DYNC2H1: variants seen among roughly 807,000 people sequenced by gnomAD.
DYNC2H1 encodes the protein dynein cytoplasmic 2 heavy chain 1, also known as cytoplasmic dynein 2 heavy chain 1.
Under a neutral mutation model 570.0 loss-of-function variants are expected in DYNC2H1, and 410 were observed. The ratio of observed to expected loss-of-function variants is 0.72; its 90% confidence interval spans 0.66 to 0.78. DYNC2H1 has a LOEUF of 0.78. Ranked by LOEUF, DYNC2H1 falls within the 30% of genes least tolerant of loss-of-function variation. The pLI, the probability that DYNC2H1 is intolerant of heterozygous loss-of-function variation, is 0.00. For synonymous variants in DYNC2H1, 1,688 were observed against 1,677.6 expected (o/e 1.01, Z -0.15); for missense variants, 4,865 against 5,046.4 (o/e 0.96, Z 1.09).
chr11:103,211,934 T>C lies in DYNC2H1; in HGVS notation c.8685T>C (p.Ser2895=). 1 of 1,524,626 alleles carries C rather than the reference T, an allele frequency of 6.6e-7. No homozygotes were observed. The highest frequency in any genetic ancestry group is 1.3e-5 in the South Asian group (1 of 76,458). The allele number at this position is 1,524,626 out of a possible 1,614,324, so 94.4% of individuals were successfully genotyped here. ...AAAAGGAATTATTAAAAAGACAAAG[T>C]CATTTGCAGGTATAGTATTGGTAAT... is the stretch of plus-strand genomic sequence containing the variant. The part of the protein sequence containing the change: ...SKKKELLKRQ[S]HLQAGVSKLN... Residue 2895 remains serine, a synonymous_variant, in exon 54 of 89, where the codon AGT becomes AGC. Transcript: ENST00000375735.
chr11:103,271,760 T>C (rs1865717502), intron 70 of DYNC2H1, among the ~76,000 whole-genome samples: 1 of 152,230 alleles, frequency 6.6e-6, no homozygotes, highest in African/African-American at 2.4e-5. Flanking sequence ...CAGCTAATAA[T>C]CTTTAACTTA....
chr11:103,314,643 C>T (rs1374232822), intron 79 of DYNC2H1, among the ~76,000 whole-genome samples: 1 of 151,440 alleles, frequency 6.6e-6, no homozygotes, highest in African/African-American at 2.4e-5. Context: ...ATTCACTTTC[C>T]CACAAAAAAA....
intron 20 of DYNC2H1, among the ~76,000 whole-genome samples, chr11:103,150,082 A>G (rs1190293268): frequency 3.3e-5 from 5 of 152,254 alleles, no homozygotes; most frequent in African/African-American, 1.2e-4. Context: ...AATTATTAAA[A>G]GAGCATAGTA....
rs377621257 is a variant in DYNC2H1, at chr11:103,287,612, G to C, written c.11095+7G>C. On this transcript the variant is annotated splice_region_variant and intron_variant, in intron 75 of 88. Transcript: ENST00000375735. ...TTTGCATGTAAAACTCTGGGTAAGT[G>C]TGATGCTTTTCAAGAACTAGACCAC... 3 of 1,606,770 alleles carry C rather than the reference G, an allele frequency of 1.9e-6. No individual in the cohort carries two copies. Among genetic ancestry groups the C allele is most frequent in the African/African-American group, 1.3e-5 (1 of 74,784 alleles).
chr11:103,455,955 C>G (rs1242956198), intron 86 of DYNC2H1, among the ~76,000 whole-genome samples: 1 of 152,074 alleles, frequency 6.6e-6, no homozygotes, highest in African/African-American at 2.4e-5. Context: ...TTATAAACAT[C>G]AAATTTCAGT....
Position 103,152,231 on chromosome 11 carries a change from G to A in DYNC2H1, c.3042G>A (p.Lys1014=). 7 of 1,608,782 alleles carry A rather than the reference G, an allele frequency of 4.4e-6. No individual in the cohort carries two copies. Among genetic ancestry groups the A allele is most frequent in the Non-Finnish European group, 5.9e-6 (7 of 1,178,202 alleles). The part of the protein sequence containing the change: ...GLETISNLKA[K]WDKFELMMES... ...AAACAATTAGTAATTTGAAAGCCAA[G>A]TGGGATAAATTTGAGTTAATGATGG... Residue 1014 remains lysine, a synonymous_variant, in exon 21 of 89, where the codon AAG becomes AAA. Transcript: ENST00000375735.
At position 103,323,963 on chromosome 11, in the gene DYNC2H1, C is replaced by T. The variant is rs987621780; in HGVS notation, c.12012C>T (p.Arg4004=). 16 of 1,612,354 alleles carry T rather than the reference C, an allele frequency of 9.9e-6. No individual in the cohort carries two copies. Among genetic ancestry groups the T allele is most frequent in the Non-Finnish European group, 1.4e-5 (16 of 1,179,088 alleles). Residue 4004 remains arginine, a synonymous_variant, in exon 82 of 89, where the codon CGC becomes CGT. Transcript: ENST00000375735. ...TTGGTCTGCCTGCCAATATCGCTCG[C>T]TCATCTCAGCGCATGATCAGTTCTC... The part of the protein sequence containing the change: ...SFFGLPANIA[R]SSQRMISSQV...
At chr11:103,424,728 C>G (rs375804516) in intron 84 of DYNC2H1, among the ~76,000 whole-genome samples, 1 of 145,108 alleles carries the variant, frequency 6.9e-6, no homozygotes, top group African/African-American at 2.6e-5. Context: ...AAAGAGGAGG[C>G]AACTTTGATC....
At position 103,253,310 on chromosome 11, in the gene DYNC2H1, T is replaced by C; in HGVS notation, c.10068T>C (p.Gly3356=). The change falls in exon 66 of 89, where the codon GGT becomes GGC. Residue 3356 remains glycine (G), a synonymous_variant. Coordinates refer to ENST00000375735, the MANE Select transcript of DYNC2H1 (RefSeq NM_001377.3). Reference sequence around the variant, plus strand: ...GACCACGTTATGTGGTACAAATAGGTGACAAAATTATTGACTACAATGAAG... The same window carrying C: ...GACCACGTTATGTGGTACAAATAGGCGACAAAATTATTGACTACAATGAAG... ...AQGPRYVVQI[G]DKIIDYNEEF... 6.2e-7 allele frequency: 1 copy of C among 1,613,134 alleles called. No individual in the cohort carries two copies. Among genetic ancestry groups the C allele is most frequent in the Non-Finnish European group, 8.5e-7 (1 of 1,179,370 alleles).
intron 75 of DYNC2H1, among the ~76,000 whole-genome samples, chr11:103,293,264 G>T (rs1387239474): frequency 6.6e-6 from 1 of 152,018 alleles, no homozygotes; most frequent in Non-Finnish European, 1.5e-5. Flanking sequence ...GGCATGTGAG[G>T]GTTCCACTGA....
At position 103,199,572 on chromosome 11, in the gene DYNC2H1, G is replaced by A; in HGVS notation, c.8088+96G>A. On this transcript the variant is annotated intron_variant, in intron 49 of 88. Coordinates refer to ENST00000375735, the MANE Select transcript of DYNC2H1 (RefSeq NM_001377.3). The surrounding 1 kb of genome is among the most constrained non-coding windows in gnomAD (Gnocchi z 4.6). ...AGACCTAAAGGTTTAAAGAACTAAA[G>A]TTTTAAAGAACATCTTTAAAGAACT... is the stretch of plus-strand genomic sequence containing the variant. 1 of 1,213,634 alleles carries A rather than the reference G, an allele frequency of 8.2e-7. No individual in the cohort carries two copies. Among genetic ancestry groups the A allele is most frequent in the Non-Finnish European group, 1.1e-6 (1 of 930,574 alleles). 75.2% of individuals were successfully genotyped at this position (1,213,634 alleles called of 1,614,324 possible).
rs182352576 is a variant in DYNC2H1 at position 103,455,177 on chromosome 11, C to T, written c.12457-9C>T. On this transcript the variant is annotated splice_polypyrimidine_tract_variant and intron_variant, in intron 85 of 88. Transcript: ENST00000375735. ...GTGTATTTATATGTTCATATTTCCC[C>T]CCCTCTAGAACTGGGTAGATAAAGC... is the stretch of plus-strand genomic sequence containing the variant. 65 of 1,602,430 alleles carry T rather than the reference C, an allele frequency of 4.1e-5. No homozygotes were observed. The East Asian group carries it at 1.2e-3, about 29-fold the overall frequency.
chr11:103,412,689 T>A (rs979641193), intron 84 of DYNC2H1, among the ~76,000 whole-genome samples: 1 of 152,082 alleles, frequency 6.6e-6, no homozygotes, highest in Non-Finnish European at 1.5e-5. Flanking sequence ...TGCTAGTGGA[T>A]CCTGTGTCTT....
chr11:103,428,213 A>C, intron 84 of DYNC2H1, among the ~76,000 whole-genome samples: 1 of 141,508 alleles, frequency 7.1e-6, no homozygotes, highest in Non-Finnish European at 1.5e-5. Context: ...GAATATCTGA[A>C]AGAGAGGAGT....
At chr11:103,415,205 T>A (rs182623763) in intron 84 of DYNC2H1, among the ~76,000 whole-genome samples, 1,532 of 152,148 alleles carry the variant, frequency 0.01, 29 homozygotes, top group African/African-American at 0.035. Flanking sequence ...CCTCAAACCA[T>A]AAAAACCCTA....
In DYNC2H1 at chr11:103,399,848, G is replaced by C; in HGVS notation, c.12342G>C (p.Leu4114Phe). The part of the protein sequence containing the change: ...TTLLSSEVQK[L>F]ASALLNQKCP... ...TACTGAGTTCAGAAGTACAAAAATT[G>C]GCAAGTGCTTTATTAAACCAAAAGG... Residue 4114 changes from leucine to phenylalanine, a missense_variant, in exon 84 of 89, where the codon TTG becomes TTC. Leu to Phe is a conservative substitution (Grantham distance 22). Around this residue, in one of 5 missense-constraint regions of DYNC2H1, gnomAD observed 2,401 missense variants for 2,454.6 expected, o/e 0.98. Transcript: ENST00000375735. 1 of 1,613,628 alleles carries C rather than the reference G, an allele frequency of 6.2e-7. No individual in the cohort carries two copies. The highest frequency in any genetic ancestry group is 8.5e-7 in the Non-Finnish European group (1 of 1,179,776).
At chr11:103,304,570 T>G in intron 76 of DYNC2H1, 25 bp from the exon 77 acceptor site, 1 of 1,603,416 alleles carries the variant, frequency 6.2e-7, no homozygotes, top group South Asian at 1.1e-5. Flanking sequence ...GTTTTTAAAT[T>G]TTGTTTGTTT....
chr11:103,389,708 G>A (rs28867830), intron 83 of DYNC2H1, among the ~76,000 whole-genome samples: 5,219 of 151,032 alleles, frequency 0.035, 298 homozygotes, highest in African/African-American at 0.12. Flanking sequence ...CTTTGTTCTC[G>A]TTAGTTTCAA....
At chr11:103,262,565 GA>G (rs1865342464) in intron 70 of DYNC2H1, among the ~76,000 whole-genome samples, 1 of 152,106 alleles carries the variant, frequency 6.6e-6, no homozygotes, top group Non-Finnish European at 1.5e-5. Flanking sequence ...CTAAAGAAAA[GA>G]ATTTTCAACC....
Sources: allele counts gnomAD v4.1 joint callset (sites outside exome capture counted in the v4.1 genomes callset), GRCh38; gene constraint gnomAD v4.1.1; regional missense constraint gnomAD v4.1.1; non-coding constraint Gnocchi (gnomAD v3.1); transcripts MANE v1.5; gene names NCBI Gene and HGNC (gene_info 2026-07-23, HGNC 2026-07-21).